The following ANKS1B variants were observed in gnomAD, a reference collection of about 807,000 sequenced individuals.
ANKS1B encodes the protein ankyrin repeat and sterile alpha motif domain containing 1B.
A neutral mutation model predicts 148.3 loss-of-function variants in ANKS1B; 36 were observed. That is an observed-to-expected ratio of 0.24 (90% CI 0.19 to 0.32). The LOEUF (loss-of-function observed/expected upper bound fraction) is 0.32. ANKS1B is among the 10% of genes least tolerant of loss of function. The pLI is 1.00. For synonymous variants in ANKS1B, 542 were observed against 560.8 expected, an observed-to-expected ratio of 0.97 and a Z score of 0.47; for missense variants, 1,157 against 1,542.6, an observed-to-expected ratio of 0.75 and a Z score of 4.19.
At chr12:99,630,070 A>G (rs186543705) in intron 9 of ANKS1B, among the ~76,000 whole-genome samples, 218 of 152,324 alleles carry the variant, frequency 1.4e-3, no homozygotes, top group African/African-American at 5.0e-3. Flanking sequence ...ACAGATGTTC[A>G]GCAGCTGAAC....
At chr12:99,611,176 G>A (rs551049013) in intron 9 of ANKS1B, among the ~76,000 whole-genome samples, 9 of 151,980 alleles carry the variant, frequency 5.9e-5, no homozygotes, top group East Asian at 3.9e-4. Context: ...ACTCGTAATC[G>A]TAATACTATT....
intron 8 of ANKS1B, among the ~76,000 whole-genome samples, chr12:99,671,409 G>T (rs73143660): frequency 0.12 from 18,061 of 152,056 alleles, 1,465 homozygotes; most frequent in Non-Finnish European, 0.19. Flanking sequence ...ATGTGAAGAA[G>T]TCTCTCAACA....
rs1269158265 is a variant in ANKS1B at position 99,099,847 on chromosome 12, A to C, written c.2527-14824T>G. On this transcript the variant is annotated intron_variant, in intron 15 of 26. Coordinates refer to ENST00000683438, the MANE Select transcript of ANKS1B (RefSeq NM_001352186.2). ...TGACAAGTCTAAAGAGAGACCACAAAAGGAAGGAAAAAGGTTTGTACGTAT... is the reference window on the plus strand; with the variant it reads ...TGACAAGTCTAAAGAGAGACCACAACAGGAAGGAAAAAGGTTTGTACGTAT... The C allele has an allele frequency of 2.0e-5, 3 of 152,024 alleles. No homozygotes were observed. In the East Asian group the frequency reaches 5.8e-4, roughly 29 times the overall value. 9.4% of individuals were successfully genotyped at this position (152,024 alleles called of 1,614,324 possible).
chr12:99,362,187 A>G (rs1164597879), intron 12 of ANKS1B, among the ~76,000 whole-genome samples: 6 of 152,084 alleles, frequency 3.9e-5, no homozygotes, highest in Non-Finnish European at 8.8e-5. Context: ...TATGACAACT[A>G]TAACCTTAGC....
chr12:99,607,953 CT>C (rs944615688), intron 9 of ANKS1B, among the ~76,000 whole-genome samples: 2 of 151,954 alleles, frequency 1.3e-5, no homozygotes, highest in African/African-American at 4.8e-5. Context: ...GTATGAATGT[CT>C]TCAAAGCCCC....
rs11421720 is a variant in ANKS1B, at chr12:99,758,541, T to TAA, written c.1128+14380_1128+14381insTT. 9.3e-3 allele frequency among the ~76,000 whole-genome samples: 1,408 copies of TAA among 151,244 alleles called. 27 individuals are homozygous for TAA. The highest frequency in any genetic ancestry group is 0.032 in the African/African-American group (1,340 of 41,294). ...ATTCTTATTGCTACCATTTTTCATATTAAAAAAATCTAAACATCAGGGAAA... is the reference window on the plus strand; with the variant it reads ...ATTCTTATTGCTACCATTTTTCATATAATAAAAAAATCTAAACATCAGGGAAA... On this transcript the variant is annotated intron_variant, in intron 8 of 26. Transcript: ENST00000683438.
At chr12:98,920,842 T>C (rs967674283) in intron 17 of ANKS1B, among the ~76,000 whole-genome samples, 1 of 152,218 alleles carries the variant, frequency 6.6e-6, no homozygotes, top group African/African-American at 2.4e-5. Context: ...GGATATCTTA[T>C]ACCTGAAAAT....
chr12:99,220,087 C>T (rs1185078231), intron 14 of ANKS1B, among the ~76,000 whole-genome samples: 1 of 152,176 alleles, frequency 6.6e-6, no homozygotes, highest in Non-Finnish European at 1.5e-5. Context: ...ACAACCTCCA[C>T]CTCCCAGGTT....
At chr12:99,453,162 T>C (rs570318970) in intron 10 of ANKS1B, among the ~76,000 whole-genome samples, 28 of 152,038 alleles carry the variant, frequency 1.8e-4, no homozygotes, top group Middle Eastern at 6.8e-3. Flanking sequence ...TGGTGGTGGG[T>C]GCCTGTAGTC....
intron 1 of ANKS1B, among the ~76,000 whole-genome samples, chr12:99,946,512 T>C (rs1281845251): frequency 1.3e-5 from 2 of 152,062 alleles, no homozygotes; most frequent in Non-Finnish European, 1.5e-5. Context: ...ATGAGGGCCC[T>C]ACCCTCATGA....
intron 10 of ANKS1B, among the ~76,000 whole-genome samples, chr12:99,492,281 C>G (rs1314176440): frequency 6.6e-6 from 1 of 152,126 alleles, no homozygotes; most frequent in African/African-American, 2.4e-5. Context: ...CATCTCTATG[C>G]ACATAAACGA....
chr12:99,795,539 T>G (rs986746432), intron 4 of ANKS1B, among the ~76,000 whole-genome samples: 2 of 151,968 alleles, frequency 1.3e-5, no homozygotes, highest in Non-Finnish European at 2.9e-5. Flanking sequence ...GGAACTGAGA[T>G]GCAAGAAGTA....
chr12:99,479,239 G>A (rs1448364199), intron 10 of ANKS1B, among the ~76,000 whole-genome samples: 1 of 151,796 alleles, frequency 6.6e-6, no homozygotes, highest in African/African-American at 2.4e-5. Flanking sequence ...TTAATATTTG[G>A]ACCTATGTTG....
chr12:99,701,624 G>A (rs1248601046), intron 8 of ANKS1B, among the ~76,000 whole-genome samples: 1 of 151,752 alleles, frequency 6.6e-6, no homozygotes, highest in Non-Finnish European at 1.5e-5. Flanking sequence ...TTAAATACTA[G>A]ATCTTATTCA....
At chr12:98,949,943 TC>T (rs1159158141) in intron 17 of ANKS1B, 3 of 152,190 alleles carry the variant, frequency 2.0e-5, no homozygotes, top group African/African-American at 7.2e-5. Context: ...TTAGCATTAA[TC>T]CATGAAAATG....
intron 17 of ANKS1B, among the ~76,000 whole-genome samples, chr12:98,839,120 AT>A (rs1393407052): frequency 6.6e-6 from 1 of 152,194 alleles, no homozygotes; most frequent in Non-Finnish European, 1.5e-5. Context: ...AAGTCATGAC[AT>A]TTGGTTCTTC....
intron 24 of ANKS1B, 98 bp downstream of exon 24, chr12:98,781,019 C>T (rs775109816): frequency 2.6e-4 from 180 of 700,462 alleles, no homozygotes; most frequent in Non-Finnish European, 3.6e-4. Context: ...GGGATGATTA[C>T]AGTGGGGAGT....
intron 1 of ANKS1B, among the ~76,000 whole-genome samples, chr12:99,935,757 C>A (rs148208928): frequency 6.6e-6 from 1 of 152,222 alleles, no homozygotes; most frequent in East Asian, 1.9e-4. Context: ...TCAGGCCCAC[C>A]CAGATAATGG....
intron 16 of ANKS1B, among the ~76,000 whole-genome samples, chr12:99,073,197 G>A (rs893670624): frequency 6.6e-6 from 1 of 152,118 alleles, no homozygotes; most frequent in Non-Finnish European, 1.5e-5. Context: ...TAAAGGTGAG[G>A]AACCAGGCAC....
Sources: allele counts gnomAD v4.1 joint callset (sites outside exome capture counted in the v4.1 genomes callset), GRCh38; gene constraint gnomAD v4.1.1; transcripts MANE v1.5; gene names NCBI Gene and HGNC (gene_info 2026-07-23, HGNC 2026-07-21).